NAALADL2: variants seen among roughly 807,000 people sequenced by gnomAD.
The protein encoded by NAALADL2 is N-acetylated alpha-linked acidic dipeptidase like 2.
A neutral mutation model predicts 87.2 loss-of-function variants in NAALADL2; 76 were observed. The ratio of observed to expected loss-of-function variants is 0.87; its 90% CI spans 0.72 to 1.05. The LOEUF is 1.05. NAALADL2 is among the 50% of genes least tolerant of loss of function. The probability of loss-of-function intolerance (pLI) is 0.00; values close to 1 mark genes in which losing one functional copy is unlikely to be tolerated. For missense variants in NAALADL2, 1,089 were observed against 945.8 expected (o/e 1.15, Z -1.99); for synonymous variants, 354 against 331.0 (o/e 1.07, Z -0.75).
intron 9 of NAALADL2, among the ~76,000 whole-genome samples, chr3:175,559,906 T>C (rs1020627402): frequency 6.6e-6 from 1 of 152,212 alleles, no homozygotes; most frequent in African/African-American, 2.4e-5. Flanking sequence ...TTTCTCTTTT[T>C]ATGTGTCTTT....
At chr3:174,756,022 G>A (rs920601914) in intron 3 of NAALADL2, among the ~76,000 whole-genome samples, 2 of 152,124 alleles carry the variant, frequency 1.3e-5, no homozygotes, top group African/African-American at 4.8e-5. Flanking sequence ...ATTCATGAAC[G>A]GTCTGGGAGG....
intron 1 of NAALADL2, among the ~76,000 whole-genome samples, chr3:174,996,872 A>G (rs1747532930): frequency 6.6e-6 from 1 of 152,028 alleles, no homozygotes; most frequent in South Asian, 2.1e-4. Context: ...CCACTGATAA[A>G]TGAGAACATA....
chr3:175,012,333 A>G (rs1160554166), intron 1 of NAALADL2, among the ~76,000 whole-genome samples: 1 of 151,318 alleles, frequency 6.6e-6, no homozygotes, highest in Non-Finnish European at 1.5e-5. Flanking sequence ...CCTGGCTAAT[A>G]TTTTTTTTAT....
intron 5 of NAALADL2, among the ~76,000 whole-genome samples, chr3:175,337,950 A>T (rs2148825653): frequency 6.6e-6 from 1 of 152,320 alleles, no homozygotes; most frequent in Admixed American, 6.5e-5. Context: ...AGCCTAGCAA[A>T]CTACGATGAG....
intron 11 of NAALADL2, among the ~76,000 whole-genome samples, chr3:175,671,874 G>A (rs570136438): frequency 1.3e-5 from 2 of 152,044 alleles, no homozygotes; most frequent in South Asian, 2.1e-4. Context: ...AACTATCAAT[G>A]ATTGTATAAT....
At chr3:175,541,801 C>T (rs1560728852) in intron 9 of NAALADL2, among the ~76,000 whole-genome samples, 2 of 152,144 alleles carry the variant, frequency 1.3e-5, no homozygotes, top group Admixed American at 6.6e-5. Context: ...CAGCTCACTG[C>T]AACCTTTGCC....
rs539816815 is a variant in NAALADL2 at position 175,618,840 on chromosome 3, C to T, written c.1801-8451C>T. On this transcript the variant is annotated intron_variant, in intron 10 of 13. Transcript: ENST00000454872. The stretch of plus-strand genomic sequence containing the variant: ...TTACCTACACCGTGCCCTGGCTTTC[C>T]GCTGTTGGTAACCTTTGGGTTCCGT... 1.5e-3 allele frequency among the ~76,000 whole-genome samples: 223 copies of T among 152,220 alleles called. 2 individuals carry two copies. The highest frequency in any genetic ancestry group is 1.9e-3 in the Non-Finnish European group (131 of 68,026).
At chr3:175,300,048 G>T (rs1172067566) in intron 4 of NAALADL2, among the ~76,000 whole-genome samples, 1 of 152,138 alleles carries the variant, frequency 6.6e-6, no homozygotes, top group Non-Finnish European at 1.5e-5. Context: ...AGATAATCAT[G>T]TGGTTTTTGT....
intron 1 of NAALADL2, among the ~76,000 whole-genome samples, chr3:174,508,074 A>G (rs972045308): frequency 7.5e-6 from 1 of 133,026 alleles, no homozygotes; most frequent in African/African-American, 2.8e-5. Flanking sequence ...AACACTTAGT[A>G]TGGCCAGTTT....
At chr3:175,067,938 C>A (rs1714850774) in intron 1 of NAALADL2, among the ~76,000 whole-genome samples, 1 of 151,914 alleles carries the variant, frequency 6.6e-6, no homozygotes, top group African/African-American at 2.4e-5. Flanking sequence ...GTCTTTGAAA[C>A]AACATGAATG....
At chr3:174,903,509 A>G (rs1732549696) in intron 1 of NAALADL2, among the ~76,000 whole-genome samples, 1 of 152,020 alleles carries the variant, frequency 6.6e-6, no homozygotes, top group East Asian at 1.9e-4. Context: ...ACTAGTCTTT[A>G]CTGAGTCATT....
intron 2 of NAALADL2, among the ~76,000 whole-genome samples, chr3:175,190,516 T>A (rs1048379078): frequency 3.5e-4 from 54 of 152,144 alleles, no homozygotes; most frequent in African/African-American, 1.3e-3. Context: ...CCTGTTAGGA[T>A]GTCTATTATC....
chr3:175,218,306 T>C (rs1468339388), intron 2 of NAALADL2, among the ~76,000 whole-genome samples: 2 of 152,174 alleles, frequency 1.3e-5, no homozygotes, highest in Admixed American at 1.3e-4. Flanking sequence ...GTGTCTAAAA[T>C]GCTTCACAAT....
intron 4 of NAALADL2, among the ~76,000 whole-genome samples, chr3:175,283,055 TTATA>T (rs1754512377): frequency 1.3e-5 from 2 of 152,060 alleles, no homozygotes; most frequent in African/African-American, 4.8e-5. Flanking sequence ...CCATATAGTA[TTATA>T]GACACAATGT....
At chr3:174,833,557 C>T (rs1295049305) in intron 3 of NAALADL2, among the ~76,000 whole-genome samples, 1 of 151,944 alleles carries the variant, frequency 6.6e-6, no homozygotes, top group East Asian at 1.9e-4. Context: ...ATTATGAAGC[C>T]AGTTTTGCCC....
chr3:175,596,826 G>A (rs894108528), intron 10 of NAALADL2, among the ~76,000 whole-genome samples: 1 of 151,834 alleles, frequency 6.6e-6, no homozygotes, highest in South Asian at 2.1e-4. Flanking sequence ...TACCGCCTAA[G>A]TCCTAAAAGT....
chr3:175,182,774 C>T (rs1358382988), intron 2 of NAALADL2, among the ~76,000 whole-genome samples: 2 of 151,476 alleles, frequency 1.3e-5, no homozygotes, highest in African/African-American at 4.8e-5. Flanking sequence ...CTTTTGTTAC[C>T]TGAACTTTTG....
At chr3:174,469,047 G>A (rs1424680776) in intron 1 of NAALADL2, among the ~76,000 whole-genome samples, 2 of 152,192 alleles carry the variant, frequency 1.3e-5, no homozygotes, top group Non-Finnish European at 2.9e-5. Context: ...ACAGGCGTGA[G>A]CCACCGTGCC....
intron 9 of NAALADL2, among the ~76,000 whole-genome samples, chr3:175,491,260 T>G (rs1378506767): frequency 6.6e-6 from 1 of 150,958 alleles, no homozygotes; most frequent in Non-Finnish European, 1.5e-5. Flanking sequence ...TAAATATTAT[T>G]TTATTGTTCT....
Sources: gnomAD v4.1 joint callset for allele counts (sites outside exome capture counted in the v4.1 genomes callset) on GRCh38, gnomAD v4.1.1 for gene constraint, MANE v1.5 for transcripts, NCBI Gene and HGNC (gene_info 2026-07-23, HGNC 2026-07-21) for gene names.